The following GRM8 variants were observed in gnomAD, a reference collection of about 807,000 sequenced individuals.
GRM8 encodes the protein glutamate metabotropic receptor 8.
A neutral mutation model predicts 87.2 loss-of-function variants in GRM8; 47 were observed. The ratio of observed to expected loss-of-function variants is 0.54; its 90% confidence interval spans 0.43 to 0.69. GRM8 has a LOEUF of 0.69. Ranked by LOEUF, GRM8 falls within the 30% of genes least tolerant of loss-of-function variation. The pLI is 0.00. For synonymous variants in GRM8, 396 were observed against 404.5 expected (o/e 0.98, Z 0.25); for missense variants, 1,019 against 1,139.2 (o/e 0.89, Z 1.52).
chr7:126,900,603 G>A (rs372498000), intron 6 of GRM8, among the ~76,000 whole-genome samples: 124 of 152,046 alleles, frequency 8.2e-4, no homozygotes, highest in African/African-American at 2.4e-3. Flanking sequence ...TCCACCTCCC[G>A]GGTTCAAGCA....
At chr7:127,165,818 T>G (rs997735348) in intron 2 of GRM8, among the ~76,000 whole-genome samples, 14 of 152,300 alleles carry the variant, frequency 9.2e-5, no homozygotes, top group African/African-American at 3.1e-4. Context: ...TTCTCTTTGC[T>G]GCCATATATA....
rs17866041 is a variant in GRM8 at position 127,180,333 on chromosome 7, G to C, written c.510+62362C>G. The stretch of plus-strand genomic sequence containing the variant: ...GATACCCTGAACAGACCAATAACAA[G>C]CAGTGAGATTGAAATGGTAATTTTT... On this transcript the variant is annotated intron_variant, in intron 2 of 10. Transcript: ENST00000339582. 2.5e-3 allele frequency among the ~76,000 whole-genome samples: 385 copies of C among 152,100 alleles called. 1 individual carries two copies. Among genetic ancestry groups the C allele is most frequent in the African/African-American group, 8.9e-3 (371 of 41,550 alleles).
intron 2 of GRM8, among the ~76,000 whole-genome samples, chr7:127,165,947 C>T (rs959587356): frequency 2.0e-5 from 3 of 152,066 alleles, no homozygotes; most frequent in Admixed American, 6.6e-5. Context: ...GCAACATGAT[C>T]CAAGAGCTCT....
rs1703792670 is a variant in GRM8, at chr7:127,191,301, T to C, written c.510+51394A>G. On this transcript the variant is annotated intron_variant, in intron 2 of 10. Transcript: ENST00000339582. ...TCATCTCTACAAAAGTCAGAGTCTC[T>C]ATTTCTGGGTTCAATGCATTTGACA... 1.1e-4 allele frequency among the ~76,000 whole-genome samples: 16 copies of C among 152,340 alleles called. No homozygotes were observed. The South Asian group carries it at 3.3e-3, about 32-fold the overall frequency.
intron 3 of GRM8, among the ~76,000 whole-genome samples, chr7:126,916,161 C>T (rs539564460): frequency 7.2e-5 from 11 of 152,260 alleles, no homozygotes; most frequent in Non-Finnish European, 1.6e-4. Context: ...ATATTGAAAT[C>T]AAAGTGAGCA....
intron 6 of GRM8, among the ~76,000 whole-genome samples, chr7:126,873,985 A>G (rs1362446184): frequency 6.6e-6 from 1 of 152,148 alleles, no homozygotes; most frequent in Non-Finnish European, 1.5e-5. Context: ...TGCCATGAAT[A>G]TTAGGAAAAA....
intron 9 of GRM8, among the ~76,000 whole-genome samples, chr7:126,509,895 A>T (rs1811075334): frequency 6.6e-6 from 1 of 152,082 alleles, no homozygotes; most frequent in Non-Finnish European, 1.5e-5. Flanking sequence ...ATAGAACTTC[A>T]TAGATGCAAA....
chr7:127,191,557 AG>A (rs1444451257), intron 2 of GRM8, among the ~76,000 whole-genome samples: 1 of 152,166 alleles, frequency 6.6e-6, no homozygotes, highest in South Asian at 2.1e-4. Flanking sequence ...TTAATCTTCA[AG>A]TGGACATTCT....
intron 7 of GRM8, among the ~76,000 whole-genome samples, chr7:126,718,432 C>G (rs1375989832): frequency 6.6e-6 from 1 of 152,020 alleles, no homozygotes; most frequent in East Asian, 1.9e-4. Flanking sequence ...GATTTTGATT[C>G]TGAAATTTCA....
chr7:126,564,163 G>A (rs1793992139), intron 8 of GRM8, among the ~76,000 whole-genome samples: 1 of 152,180 alleles, frequency 6.6e-6, no homozygotes, highest in Non-Finnish European at 1.5e-5. Flanking sequence ...AGCAGCCACT[G>A]GGCAATGAGA....
rs569156560 is a variant in GRM8 at position 126,474,964 on chromosome 7, T to G, written c.2431-28592A>C. 5.9e-5 allele frequency among the ~76,000 whole-genome samples: 9 copies of G among 152,122 alleles called. No individual in the cohort carries two copies. The South Asian group carries it at 1.9e-3, about 32-fold the overall frequency. ...CATGATAAAAATAATTCTCAACAAATTAGGTGGAAAGATCCTCAACATAAC... is the reference window on the plus strand; with the variant it reads ...CATGATAAAAATAATTCTCAACAAAGTAGGTGGAAAGATCCTCAACATAAC... On this transcript the variant is annotated intron_variant, in intron 9 of 10. Coordinates refer to ENST00000339582, the MANE Select transcript of GRM8 (RefSeq NM_000845.3).
At chr7:126,786,972 C>T (rs73446490) in intron 6 of GRM8, among the ~76,000 whole-genome samples, 2,904 of 152,246 alleles carry the variant, frequency 0.019, 97 homozygotes, top group African/African-American at 0.066. Context: ...GGTCACAATG[C>T]TGGCTCTTTT....
intron 3 of GRM8, among the ~76,000 whole-genome samples, chr7:127,034,321 A>G (rs1048128383): frequency 6.6e-6 from 1 of 152,172 alleles, no homozygotes; most frequent in Admixed American, 6.5e-5. Flanking sequence ...ATATGTTTAT[A>G]TAGCTTGTAA....
rs369958227 is a variant in GRM8 at position 126,780,558 on chromosome 7, G to A, written c.1157-10493C>T. 2.6e-5 allele frequency among the ~76,000 whole-genome samples: 4 copies of A among 152,130 alleles called. No homozygotes were observed. The East Asian group carries it at 7.7e-4, about 29-fold the overall frequency. ...TGTCACAGAGTGACACTGGGACTAC[G>A]ATCTGAAAGATAAATGGGAGTGAAT... On this transcript the variant is annotated intron_variant, in intron 6 of 10. Coordinates refer to ENST00000339582, the MANE Select transcript of GRM8 (RefSeq NM_000845.3).
intron 2 of GRM8, among the ~76,000 whole-genome samples, chr7:127,227,583 G>T (rs986951737): frequency 3.3e-5 from 5 of 152,142 alleles, no homozygotes; most frequent in African/African-American, 1.2e-4. Flanking sequence ...TTATTTTGGT[G>T]TTTACGGTGT....
chr7:126,609,517 CAATGTT>C lies in GRM8; in HGVS notation c.1358-25_1358-20del. The C allele has an allele frequency of 6.3e-7, 1 of 1,597,732 alleles. No individual in the cohort carries two copies. Among genetic ancestry groups the C allele is most frequent in the Non-Finnish European group, 8.5e-7 (1 of 1,170,284 alleles). ...GCACTGCCTATAAAGATTTAGAAAA[CAATGTT>C]AATAAAGTTTTAGTAAGATAGCCCA... On this transcript the variant is annotated intron_variant, in intron 7 of 10. Coordinates refer to ENST00000339582, the MANE Select transcript of GRM8 (RefSeq NM_000845.3).
At chr7:126,826,547 G>A (rs1452587150) in intron 6 of GRM8, among the ~76,000 whole-genome samples, 12 of 152,196 alleles carry the variant, frequency 7.9e-5, no homozygotes, top group East Asian at 1.9e-4. Flanking sequence ...CATGTCCTTC[G>A]CCCAATTTTT....
At chr7:126,503,531 G>A (rs1295962609) in intron 9 of GRM8, among the ~76,000 whole-genome samples, 1 of 152,008 alleles carries the variant, frequency 6.6e-6, no homozygotes, top group African/African-American at 2.4e-5. Flanking sequence ...ATTGTTGTTA[G>A]CAAATCTGTT....
chr7:126,515,894 T>A (rs1055399290), intron 9 of GRM8, among the ~76,000 whole-genome samples: 34 of 152,102 alleles, frequency 2.2e-4, no homozygotes, highest in Admixed American at 1.6e-3. Flanking sequence ...CAGGTTCTGG[T>A]GATTAGAATG....
Sources: gnomAD v4.1 joint callset for allele counts (sites outside exome capture counted in the v4.1 genomes callset) on GRCh38, gnomAD v4.1.1 for gene constraint, MANE v1.5 for transcripts, NCBI Gene and HGNC (gene_info 2026-07-23, HGNC 2026-07-21) for gene names.